Variants in ANKRD33B observed in about 807,000 individuals in gnomAD.
ANKRD33B encodes the protein ankyrin repeat domain-containing protein 33B.
A neutral mutation model predicts 21.5 loss-of-function variants in ANKRD33B; 6 were observed. The observed-to-expected ratio is 0.28, with a 90% CI of 0.15 to 0.55. The LOEUF (loss-of-function observed/expected upper bound fraction) is 0.55, where lower values mean the gene tolerates loss of function less well. ANKRD33B is among the 20% of genes least tolerant of loss of function. The pLI is 0.94. For missense variants in ANKRD33B, 698 were observed against 747.2 expected (o/e 0.93, Z 0.77); for synonymous variants, 347 against 342.4 (o/e 1.01, Z -0.15).
At chr5:10,583,635 G>A (rs1735493591) in intron 1 of ANKRD33B, among the ~76,000 whole-genome samples, 1 of 152,182 alleles carries the variant, frequency 6.6e-6, no homozygotes, top group African/African-American at 2.4e-5. Flanking sequence ...TTACCTGGAA[G>A]GATCTGTGGT....
chr5:10,595,623 G>A (rs1291127666), intron 1 of ANKRD33B, among the ~76,000 whole-genome samples: 2 of 152,200 alleles, frequency 1.3e-5, no homozygotes, highest in African/African-American at 2.4e-5. Flanking sequence ...ACCTGAAGGA[G>A]TAACTGAAGG....
intron 1 of ANKRD33B, among the ~76,000 whole-genome samples, chr5:10,573,399 C>T (rs561712984): frequency 4.6e-4 from 67 of 145,112 alleles, no homozygotes; most frequent in Admixed American, 4.0e-3. Flanking sequence ...ACCTCGGAGG[C>T]GGGGGTTGCA....
Position 10,564,339 on chromosome 5 carries a change from CG to C in ANKRD33B, c.-128del. The C allele has an allele frequency of 1.6e-6, 1 of 626,374 alleles. No homozygotes were observed. 38.8% of individuals were successfully genotyped at this position (626,374 alleles called of 1,614,324 possible). A position where few individuals can be genotyped will look rare whatever the true frequency, so the allele number is the denominator to read the frequency against. On this transcript the variant is annotated 5_prime_UTR_variant, in exon 1 of 4. Coordinates refer to ENST00000296657, the MANE Select transcript of ANKRD33B (RefSeq NM_001164440.2). The stretch of plus-strand genomic sequence containing the variant: ...GCAGCCGCCTGGTGCCGGTTTCCGC[CG>C]AGCTGGAGCGCGCGGGCCACGGCTT...
At chr5:10,583,295 C>A (rs1191038538) in intron 1 of ANKRD33B, among the ~76,000 whole-genome samples, 1 of 152,160 alleles carries the variant, frequency 6.6e-6, no homozygotes, top group Non-Finnish European at 1.5e-5. Context: ...CCACCGCGCC[C>A]GACCTGTCCC....
Position 10,650,361 on chromosome 5 carries a change from C to T in ANKRD33B, c.*248C>T, listed in dbSNP as rs539229454. The T allele has an allele frequency of 8.0e-4, 267 of 333,560 alleles. No homozygotes were observed. Among genetic ancestry groups the T allele is most frequent in the African/African-American group, 5.4e-3 (250 of 46,610 alleles). The allele number at this position is 333,560 out of a possible 1,614,324, so 20.7% of individuals were successfully genotyped here. A position where few individuals can be genotyped will look rare whatever the true frequency, so the allele number is the denominator to read the frequency against. Reference sequence around the variant, plus strand: ...TAGCGGGCACGTTGCCTAAAAGGCTCCCTTTAGAGAACCTCAATTAAGATT... The same window carrying T: ...TAGCGGGCACGTTGCCTAAAAGGCTTCCTTTAGAGAACCTCAATTAAGATT... On this transcript the variant is annotated 3_prime_UTR_variant, in exon 4 of 4. Transcript: ENST00000296657.
intron 1 of ANKRD33B, among the ~76,000 whole-genome samples, chr5:10,611,693 A>G (rs1169564570): frequency 6.6e-6 from 1 of 152,194 alleles, no homozygotes; most frequent in Non-Finnish European, 1.5e-5. Flanking sequence ...CCAAACTTCT[A>G]ACAACACATC....
At chr5:10,594,915 T>C (rs1377024937) in intron 1 of ANKRD33B, among the ~76,000 whole-genome samples, 2 of 152,110 alleles carry the variant, frequency 1.3e-5, no homozygotes, top group Non-Finnish European at 2.9e-5. Context: ...ATGGGTGAAC[T>C]GCAAATAGAG....
At chr5:10,590,648 AG>A (rs560263512) in intron 1 of ANKRD33B, among the ~76,000 whole-genome samples, 65 of 152,084 alleles carry the variant, frequency 4.3e-4, no homozygotes, top group African/African-American at 1.5e-3. Flanking sequence ...TGTTAGTGTT[AG>A]TATATTTTAT....
chr5:10,590,620 G>T lies in ANKRD33B; in HGVS notation c.366+25787G>T, dbSNP rs1021268845. Among the ~76,000 whole-genome samples, 302 of 152,196 alleles carry T rather than the reference G, an allele frequency of 2.0e-3. 2 individuals carry two copies. Among genetic ancestry groups the T allele is most frequent in the African/African-American group, 7.1e-3 (294 of 41,494 alleles). ...CGCGCGCGCGCGCGTGTGTGTGTGT[G>T]TGTGTGTTTTCAGCCAGTGTTAGTG... is the stretch of plus-strand genomic sequence containing the variant. On this transcript the variant is annotated intron_variant, in intron 1 of 3. Transcript: ENST00000296657.
intron 1 of ANKRD33B, among the ~76,000 whole-genome samples, chr5:10,586,855 G>A (rs921862214): frequency 6.6e-6 from 1 of 152,026 alleles, no homozygotes; most frequent in African/African-American, 2.4e-5. Flanking sequence ...TTATTCATGT[G>A]TTGCCTGGCT....
intron 1 of ANKRD33B, among the ~76,000 whole-genome samples, chr5:10,565,873 G>A (rs1735041088): frequency 6.6e-6 from 1 of 152,186 alleles, no homozygotes; most frequent in Admixed American, 6.5e-5. Flanking sequence ...CATGCTTTTT[G>A]CTCAGGAGCC....
intron 1 of ANKRD33B, among the ~76,000 whole-genome samples, chr5:10,615,982 C>A (rs1228776258): frequency 1.3e-5 from 2 of 152,172 alleles, no homozygotes; most frequent in Admixed American, 6.5e-5. Flanking sequence ...CCACTCTTTT[C>A]TATTTAAAAT....
At chr5:10,592,835 A>G (rs909173717) in intron 1 of ANKRD33B, among the ~76,000 whole-genome samples, 1 of 152,094 alleles carries the variant, frequency 6.6e-6, no homozygotes, top group African/African-American at 2.4e-5. Context: ...GAGGCAGTGG[A>G]GATGATTGTG....
chr5:10,634,885 T>C (rs755237831), intron 2 of ANKRD33B, among the ~76,000 whole-genome samples: 6 of 67,298 alleles, frequency 8.9e-5, no homozygotes, highest in Admixed American at 2.7e-4. Context: ...GAAAGGTTAA[T>C]ACTTATACAT....
rs942234024 is a variant in ANKRD33B, at chr5:10,619,568, T to G, written c.496+1106T>G. ...GGTGGGAGTGGTCTGGGCACCCTAC[T>G]TTTCAATCAAGACGAATAGAGTGGG... On this transcript the variant is annotated intron_variant, in intron 2 of 3. Coordinates refer to ENST00000296657, the MANE Select transcript of ANKRD33B (RefSeq NM_001164440.2). This position sits in a 1 kb window ranked among gnomAD's most constrained non-coding sequence, Gnocchi z 4.5. Among the ~76,000 whole-genome samples the G allele has an allele frequency of 1.3e-5, 2 of 152,164 alleles. No individual in the cohort carries two copies. Among genetic ancestry groups the G allele is most frequent in the African/African-American group, 4.8e-5 (2 of 41,426 alleles).
intron 1 of ANKRD33B, among the ~76,000 whole-genome samples, chr5:10,587,396 C>T (rs930876944): frequency 2.6e-5 from 4 of 152,072 alleles, no homozygotes; most frequent in East Asian, 1.9e-4. Context: ...CCACCACACC[C>T]GGCCAGATTT....
At chr5:10,618,816 CAT>C (rs1736347480) in intron 2 of ANKRD33B, among the ~76,000 whole-genome samples, 1 of 152,190 alleles carries the variant, frequency 6.6e-6, no homozygotes, top group Non-Finnish European at 1.5e-5. Flanking sequence ...GAGACACAAT[CAT>C]GTGTCTCAGT....
chr5:10,609,596 T>G lies in ANKRD33B; in HGVS notation c.367-8737T>G, dbSNP rs137880886. 4.2e-4 allele frequency among the ~76,000 whole-genome samples: 64 copies of G among 152,156 alleles called. No homozygotes were observed. In the East Asian group the frequency reaches 0.01, roughly 24 times the overall value. Reference sequence around the variant, plus strand: ...CCCTTATGTCTTTATTGGACAGCACTGTCCTCAAGTATTATAAAGAATTCA... The same window carrying G: ...CCCTTATGTCTTTATTGGACAGCACGGTCCTCAAGTATTATAAAGAATTCA... On this transcript the variant is annotated intron_variant, in intron 1 of 3. Transcript: ENST00000296657.
At chr5:10,594,830 G>A (rs1735784809) in intron 1 of ANKRD33B, among the ~76,000 whole-genome samples, 1 of 152,204 alleles carries the variant, frequency 6.6e-6, no homozygotes, top group South Asian at 2.1e-4. Context: ...GAAAGTGGGA[G>A]TTGACTGCCG....
Sources: allele counts gnomAD v4.1 joint callset (sites outside exome capture counted in the v4.1 genomes callset), GRCh38; gene constraint gnomAD v4.1.1; non-coding constraint Gnocchi (gnomAD v3.1); transcripts MANE v1.5; gene names NCBI Gene and HGNC (gene_info 2026-07-23, HGNC 2026-07-21).